Variants in KAZN observed in about 807,000 individuals in gnomAD.
The protein encoded by KAZN is kazrin, periplakin interacting protein.
A neutral mutation model predicts 87.4 loss-of-function variants in KAZN; 40 were observed. The observed-to-expected ratio is 0.46, with a 90% CI of 0.36 to 0.60. The LOEUF is 0.60. KAZN is among the 20% of genes least tolerant of loss of function. The pLI is 0.00. For synonymous variants in KAZN, 466 were observed against 458.3 expected (o/e 1.02, Z -0.22); for missense variants, 898 against 1,073.9 (o/e 0.84, Z 2.29).
intron 2 of KAZN, among the ~76,000 whole-genome samples, chr1:15,012,005 GGCTGCATCTGTTCTTAGCT>G: frequency 6.6e-6 from 1 of 152,310 alleles, no homozygotes; most frequent in Non-Finnish European, 1.5e-5. Context: ...CCCAGCCTCA[GGCTGCATCTGTTCTTAGCT>G]GCTGCTAGTA....
chr1:14,429,065 G>A (rs1665900620), intron 2 of KAZN, among the ~76,000 whole-genome samples: 1 of 152,096 alleles, frequency 6.6e-6, no homozygotes, highest in South Asian at 2.1e-4. Context: ...ATTGATCTTT[G>A]GAATTCATAA....
At chr1:14,772,158 A>G (rs1475025487) in intron 1 of KAZN, among the ~76,000 whole-genome samples, 1 of 152,030 alleles carries the variant, frequency 6.6e-6, no homozygotes, top group South Asian at 2.1e-4. Flanking sequence ...ATTTTTCTCA[A>G]TGAGGGTGTC....
chr1:14,556,330 C>T (rs1031502088), intron 2 of KAZN, among the ~76,000 whole-genome samples: 3 of 151,440 alleles, frequency 2.0e-5, no homozygotes, highest in African/African-American at 4.9e-5. Flanking sequence ...AGGATGGTCT[C>T]GATCTCCTGA....
chr1:14,655,565 T>TC (rs1465548788), intron 1 of KAZN, among the ~76,000 whole-genome samples: 1 of 152,214 alleles, frequency 6.6e-6, no homozygotes, highest in African/African-American at 2.4e-5. Flanking sequence ...AGAATTGCCT[T>TC]CTCCAGCAAG....
chr1:14,449,251 C>T (rs1306953784), intron 2 of KAZN, among the ~76,000 whole-genome samples: 1 of 152,204 alleles, frequency 6.6e-6, no homozygotes, highest in Admixed American at 6.5e-5. Flanking sequence ...TCTGGTTTGG[C>T]TTCATTATCA....
At chr1:14,934,483 G>A (rs942579215) in intron 1 of KAZN, among the ~76,000 whole-genome samples, 27 of 152,336 alleles carry the variant, frequency 1.8e-4, no homozygotes, top group African/African-American at 6.3e-4. Flanking sequence ...GGGATTACAG[G>A]CGTGAGCCAC....
intron 1 of KAZN, among the ~76,000 whole-genome samples, chr1:14,696,553 A>G (rs1490839241): frequency 1.3e-5 from 2 of 152,198 alleles, no homozygotes; most frequent in African/African-American, 4.8e-5. Context: ...GTTTGGCAAC[A>G]TTGCATGTTT....
chr1:14,795,377 C>T (rs1883434), intron 1 of KAZN, among the ~76,000 whole-genome samples: 51,571 of 151,774 alleles, frequency 0.34, 9,348 homozygotes, highest in Non-Finnish European at 0.4. Context: ...AATGAGCATA[C>T]GCCTAGATGT....
chr1:14,800,851 AAGT>A (rs1645987689), intron 1 of KAZN, among the ~76,000 whole-genome samples: 2 of 152,144 alleles, frequency 1.3e-5, no homozygotes, highest in African/African-American at 4.8e-5. Flanking sequence ...GGAAGACAGA[AAGT>A]AGCTTCGTAG....
chr1:14,163,435 G>C (rs1373617996), intron 1 of KAZN, among the ~76,000 whole-genome samples: 1 of 152,180 alleles, frequency 6.6e-6, no homozygotes, highest in Non-Finnish European at 1.5e-5. Context: ...GGGAGGGGCT[G>C]TATGTGCAGT....
At chr1:14,916,358 T>G (rs533588511) in intron 1 of KAZN, among the ~76,000 whole-genome samples, 1 of 152,120 alleles carries the variant, frequency 6.6e-6, no homozygotes, top group Admixed American at 6.5e-5. Flanking sequence ...TTAGTAGAGA[T>G]GGGGTTTCAC....
intron 1 of KAZN, chr1:14,692,488 C>G (rs544854494): frequency 5.2e-4 from 103 of 199,502 alleles, no homozygotes; most frequent in African/African-American, 2.2e-3. Flanking sequence ...TGGAGCACTT[C>G]CAGCATCACT....
intron 2 of KAZN, among the ~76,000 whole-genome samples, chr1:15,005,017 T>C (rs1668862158): frequency 1.3e-5 from 2 of 152,146 alleles, no homozygotes; most frequent in East Asian, 3.9e-4. Context: ...ACGCCCAGGT[T>C]GCTATTTTGA....
chr1:14,910,061 T>TAAGTAATGAATGAATG (rs71000348), intron 1 of KAZN, among the ~76,000 whole-genome samples: 1 of 147,240 alleles, frequency 6.8e-6, no homozygotes, highest in East Asian at 2.1e-4. Context: ...AATAAATAAA[T>TAAGTAATGAATGAATG]AATGAATGAA....
In KAZN at chr1:15,095,269, G is replaced by A. The variant is rs1401612285; in HGVS notation, c.1547+336G>A. Among the ~76,000 whole-genome samples the A allele has an allele frequency of 5.3e-5, 8 of 152,296 alleles. No individual in the cohort carries two copies. In the East Asian group the frequency reaches 5.8e-4, roughly 11 times the overall value. ...CCCAAGCAGCTCTGCACACTGGGCCGCCATGGTGTCTGCTCCTGGTTCTTA... is the reference window on the plus strand; with the variant it reads ...CCCAAGCAGCTCTGCACACTGGGCCACCATGGTGTCTGCTCCTGGTTCTTA... On this transcript the variant is annotated intron_variant, in intron 10 of 14. Transcript: ENST00000376030.
In KAZN at chr1:14,028,535, C is replaced by G. The variant is rs80217654; in HGVS notation, c.91+134779C>G. Among the ~76,000 whole-genome samples, 427 of 152,326 alleles carry G rather than the reference C, an allele frequency of 2.8e-3. 6 individuals carry two copies. The East Asian group carries it at 0.046, about 16-fold the overall frequency. On this transcript the variant is annotated intron_variant, in intron 1 of 16. Transcript: ENST00000636203. The stretch of plus-strand genomic sequence containing the variant: ...GAGGGGAGCTAGGGAAGTCTGTCCA[C>G]AGCCCAGCTGGGTTAGAGCTGAGAC...
chr1:14,457,830 T>G (rs2148343620), intron 2 of KAZN, among the ~76,000 whole-genome samples: 1 of 151,922 alleles, frequency 6.6e-6, no homozygotes, highest in African/African-American at 2.4e-5. Flanking sequence ...TTTTGTTTTT[T>G]TTTTTGAAAC....
intron 1 of KAZN, among the ~76,000 whole-genome samples, chr1:14,821,706 G>A (rs1457072956): frequency 6.6e-6 from 1 of 152,080 alleles, no homozygotes; most frequent in Non-Finnish European, 1.5e-5. Context: ...AACGACCCCT[G>A]CTAACACCTA....
At chr1:14,753,458 G>T (rs1644467911) in intron 1 of KAZN, among the ~76,000 whole-genome samples, 1 of 151,958 alleles carries the variant, frequency 6.6e-6, no homozygotes, top group Non-Finnish European at 1.5e-5. Context: ...GGGTGCATTG[G>T]GCTCACACCT....
Sources: allele counts gnomAD v4.1 joint callset (sites outside exome capture counted in the v4.1 genomes callset), GRCh38; gene constraint gnomAD v4.1.1; transcripts MANE v1.5; gene names NCBI Gene and HGNC (gene_info 2026-07-23, HGNC 2026-07-21).